The following NRXN1 variants were observed in gnomAD, a reference collection of about 807,000 sequenced individuals.
NRXN1 encodes the protein neurexin 1.
In NRXN1, 39 loss-of-function variants were observed where a neutral mutation model predicts 150.9. That is an observed-to-expected ratio of 0.26 (90% CI 0.20 to 0.34). The LOEUF is 0.34. NRXN1 is among the 10% of genes least tolerant of loss of function. The pLI is 1.00. For missense variants in NRXN1, 1,815 were observed against 1,949.9 expected, an observed-to-expected ratio of 0.93 and a Z score of 1.30; for synonymous variants, 924 against 757.0, an observed-to-expected ratio of 1.22 and a Z score of -3.62.
intron 17 of NRXN1, among the ~76,000 whole-genome samples, chr2:50,404,779 G>A (rs2082637614): frequency 6.6e-6 from 1 of 152,050 alleles, no homozygotes. Context: ...GCCTGGAGGG[G>A]GATCTTTGCA....
chr2:50,984,145 T>C (rs1697305257), intron 2 of NRXN1, among the ~76,000 whole-genome samples: 1 of 135,976 alleles, frequency 7.4e-6, no homozygotes, highest in Admixed American at 7.4e-5. Context: ...TTTTTTTTTT[T>C]TTTTTTTTTT....
intron 15 of NRXN1, among the ~76,000 whole-genome samples, chr2:50,485,889 G>A (rs940202121): frequency 6.6e-6 from 1 of 152,200 alleles, no homozygotes; most frequent in East Asian, 1.9e-4. Context: ...ATAATTGCAG[G>A]AAAAGGCAGT....
At chr2:50,914,531 G>C (rs1574916263) in intron 5 of NRXN1, among the ~76,000 whole-genome samples, 1 of 151,500 alleles carries the variant, frequency 6.6e-6, no homozygotes, top group African/African-American at 2.4e-5. Context: ...GAGATAATTA[G>C]AAAAATGTGA....
intron 5 of NRXN1, among the ~76,000 whole-genome samples, chr2:50,763,271 T>C (rs567351695): frequency 1.3e-5 from 2 of 152,104 alleles, no homozygotes; most frequent in African/African-American, 4.8e-5. Context: ...CTTTGGACTG[T>C]GGATTTTCAA....
At chr2:50,922,174 T>C (rs992997124) in intron 4 of NRXN1, among the ~76,000 whole-genome samples, 2 of 151,842 alleles carry the variant, frequency 1.3e-5, no homozygotes, top group East Asian at 3.9e-4. Flanking sequence ...AGAGAAAGTA[T>C]TGATTCTGTG....
At chr2:50,529,430 G>T (rs957808732) in intron 11 of NRXN1, among the ~76,000 whole-genome samples, 45 of 152,148 alleles carry the variant, frequency 3.0e-4, no homozygotes, top group African/African-American at 8.4e-4. Flanking sequence ...TTATATAAAA[G>T]TAGCTACTAT....
At chr2:50,757,272 G>T (rs1308289808) in intron 5 of NRXN1, among the ~76,000 whole-genome samples, 1 of 151,698 alleles carries the variant, frequency 6.6e-6, no homozygotes, top group Non-Finnish European at 1.5e-5. Context: ...TAGCATATAC[G>T]CAGACCGCCA....
chr2:50,070,510 C>T (rs1358195180), intron 19 of NRXN1, among the ~76,000 whole-genome samples: 1 of 152,016 alleles, frequency 6.6e-6, no homozygotes, highest in African/African-American at 2.4e-5. Context: ...GTGGCTCACG[C>T]CTGTAATCCC....
At chr2:50,189,608 A>G (rs2061325486) in intron 18 of NRXN1, among the ~76,000 whole-genome samples, 1 of 152,176 alleles carries the variant, frequency 6.6e-6, no homozygotes, top group Non-Finnish European at 1.5e-5. Flanking sequence ...ATAAATCAGT[A>G]TATCTTGGTG....
chr2:50,087,493 T>A (rs1288792445), intron 19 of NRXN1, among the ~76,000 whole-genome samples: 1 of 152,134 alleles, frequency 6.6e-6, no homozygotes, highest in Non-Finnish European at 1.5e-5. Flanking sequence ...ATTAATGTTA[T>A]GAGAAAGAAA....
At position 50,021,581 on chromosome 2, in the gene NRXN1, T is replaced by A. The variant is rs145236003; in HGVS notation, c.4128+31690A>T. Among the ~76,000 whole-genome samples the A allele has an allele frequency of 3.9e-3, 587 of 152,312 alleles. 5 individuals are homozygous for A. The highest frequency in any genetic ancestry group is 0.013 in the African/African-American group (526 of 41,564). The stretch of plus-strand genomic sequence containing the variant: ...TTCTAAGAAATAAATTATTAGAGAC[T>A]CAAATATTAACCCTTATTAGCCATA... On this transcript the variant is annotated intron_variant, in intron 21 of 22. Transcript: ENST00000401669.
chr2:50,033,104 T>G (rs868459124), intron 21 of NRXN1, among the ~76,000 whole-genome samples: 1 of 151,976 alleles, frequency 6.6e-6, no homozygotes, highest in Non-Finnish European at 1.5e-5. Context: ...TTAAGTACCA[T>G]GAGGGCAGGA....
intron 17 of NRXN1, among the ~76,000 whole-genome samples, chr2:50,317,444 A>G (rs991498010): frequency 1.3e-4 from 20 of 151,956 alleles, no homozygotes; most frequent in African/African-American, 4.6e-4. Context: ...TTACAATGGA[A>G]GCTAGAGGGC....
At chr2:50,715,731 C>A (rs1695784512) in intron 5 of NRXN1, among the ~76,000 whole-genome samples, 1 of 152,122 alleles carries the variant, frequency 6.6e-6, no homozygotes, top group East Asian at 1.9e-4. Context: ...ATGAAAAATT[C>A]TTGATGATCT....
At chr2:50,185,340 T>A (rs569390629) in intron 18 of NRXN1, among the ~76,000 whole-genome samples, 1 of 152,196 alleles carries the variant, frequency 6.6e-6, no homozygotes, top group South Asian at 2.1e-4. Context: ...TTAAATCTCC[T>A]GGGTTCCGTT....
intron 8 of NRXN1, among the ~76,000 whole-genome samples, chr2:50,569,075 T>A (rs760557527): frequency 1.3e-5 from 2 of 152,082 alleles, no homozygotes; most frequent in Non-Finnish European, 1.5e-5. Context: ...TTCACCTATT[T>A]CTGGGAGCTA....
At chr2:50,297,168 C>T (rs1055553399) in intron 17 of NRXN1, among the ~76,000 whole-genome samples, 14 of 152,102 alleles carry the variant, frequency 9.2e-5, no homozygotes, top group Non-Finnish European at 1.9e-4. Flanking sequence ...GGATTACAGG[C>T]GTGAGCCACC....
intron 21 of NRXN1, among the ~76,000 whole-genome samples, chr2:49,957,052 G>A (rs994918926): frequency 6.6e-6 from 1 of 152,100 alleles, no homozygotes; most frequent in Non-Finnish European, 1.5e-5. Flanking sequence ...TTTGAATTGT[G>A]AAATTGAACT....
intron 2 of NRXN1, among the ~76,000 whole-genome samples, chr2:50,946,249 T>TAC (rs1202968793): frequency 6.6e-6 from 1 of 152,146 alleles, no homozygotes; most frequent in East Asian, 1.9e-4. Context: ...TGAGCTTAAT[T>TAC]ACACTATGAG....
Sources: allele counts gnomAD v4.1 joint callset (sites outside exome capture counted in the v4.1 genomes callset), GRCh38; gene constraint gnomAD v4.1.1; transcripts MANE v1.5; gene names NCBI Gene and HGNC (gene_info 2026-07-23, HGNC 2026-07-21).